RALGAPA2: variants seen among roughly 807,000 people sequenced by gnomAD.
RALGAPA2 encodes ral GTPase-activating protein subunit alpha-2.
Under a neutral mutation model 230.4 loss-of-function variants are expected in RALGAPA2, and 139 were observed. That is an observed-to-expected ratio of 0.60 (90% CI 0.53 to 0.69). RALGAPA2 has a LOEUF of 0.69. Ranked by LOEUF, RALGAPA2 falls within the 30% of genes least tolerant of loss-of-function variation. The pLI, the probability that RALGAPA2 is intolerant of heterozygous loss-of-function variation, is 0.00. For synonymous variants in RALGAPA2, 847 were observed against 837.8 expected, an observed-to-expected ratio of 1.01 and a Z score of -0.19; for missense variants, 2,163 against 2,276.0, an observed-to-expected ratio of 0.95 and a Z score of 1.01.
chr20:20,504,030 T>C (rs965482202), intron 34 of RALGAPA2, among the ~76,000 whole-genome samples: 11 of 152,206 alleles, frequency 7.2e-5, no homozygotes, highest in African/African-American at 2.7e-4. Flanking sequence ...ACGGCATGAG[T>C]GTTCACTTCT....
chr20:20,404,995 T>C (rs963704194), intron 38 of RALGAPA2, among the ~76,000 whole-genome samples: 2 of 152,248 alleles, frequency 1.3e-5, no homozygotes, highest in Admixed American at 1.3e-4. Flanking sequence ...AAACATGTGG[T>C]TTCTTTCTCT....
At chr20:20,610,794 C>T (rs1463689099) in intron 14 of RALGAPA2, among the ~76,000 whole-genome samples, 2 of 152,128 alleles carry the variant, frequency 1.3e-5, no homozygotes, top group Admixed American at 6.5e-5. Context: ...TCTGTCAAAG[C>T]CCATGGTCAA....
intron 36 of RALGAPA2, among the ~76,000 whole-genome samples, chr20:20,484,108 T>C (rs6046898): frequency 0.02 from 3,052 of 152,258 alleles, 100 homozygotes; most frequent in East Asian, 0.15. Context: ...GAGGGTGTGT[T>C]TGTACTTGTG....
At chr20:20,510,706 T>C (rs1458909096) in intron 33 of RALGAPA2, among the ~76,000 whole-genome samples, 2 of 152,204 alleles carry the variant, frequency 1.3e-5, no homozygotes, top group African/African-American at 4.8e-5. Context: ...TCTTTAGAAA[T>C]GCTTCTGAGA....
At chr20:20,632,726 C>T (rs2066717674) in intron 9 of RALGAPA2, among the ~76,000 whole-genome samples, 1 of 151,660 alleles carries the variant, frequency 6.6e-6, no homozygotes, top group Non-Finnish European at 1.5e-5. Flanking sequence ...TCAGAACTAA[C>T]TGCATTTCTC....
intron 18 of RALGAPA2, among the ~76,000 whole-genome samples, chr20:20,586,135 C>T (rs765413458): frequency 1.3e-4 from 20 of 152,114 alleles, no homozygotes; most frequent in Non-Finnish European, 2.9e-4. Context: ...ATATGAGAGA[C>T]ACAATACCTC....
intron 12 of RALGAPA2, among the ~76,000 whole-genome samples, chr20:20,617,387 G>A (rs2066181691): frequency 6.6e-6 from 1 of 152,138 alleles, no homozygotes; most frequent in South Asian, 2.1e-4. Flanking sequence ...TATAGTTGAT[G>A]ATGATGATAA....
intron 4 of RALGAPA2, among the ~76,000 whole-genome samples, chr20:20,652,145 A>T (rs2067422325): frequency 6.6e-6 from 1 of 152,204 alleles, no homozygotes; most frequent in Admixed American, 6.5e-5. Context: ...CAAATAATTC[A>T]GTTTCTATAA....
intron 37 of RALGAPA2, among the ~76,000 whole-genome samples, chr20:20,466,025 G>C (rs1403278769): frequency 6.6e-6 from 1 of 152,186 alleles, no homozygotes; most frequent in Non-Finnish European, 1.5e-5. Flanking sequence ...TGTTTTACCT[G>C]CTTGGCCCAT....
chr20:20,401,537 C>T (rs1288286312), intron 38 of RALGAPA2, among the ~76,000 whole-genome samples: 1 of 152,052 alleles, frequency 6.6e-6, no homozygotes, highest in African/African-American at 2.4e-5. Context: ...TCAGGAGTGA[C>T]CGGGGCAGTG....
chr20:20,454,958 G>A (rs762591351), intron 37 of RALGAPA2, among the ~76,000 whole-genome samples: 4 of 152,210 alleles, frequency 2.6e-5, no homozygotes, highest in Non-Finnish European at 4.4e-5. Context: ...CAGCACCAGG[G>A]AGGGCTGGTA....
At position 20,680,684 on chromosome 20, in the gene RALGAPA2, T is replaced by A; in HGVS notation, c.217+7A>T. On this transcript the variant is annotated splice_region_variant and intron_variant, in intron 2 of 39. Transcript: ENST00000202677. Reference sequence around the variant, plus strand: ...GTTTTTTAAAAAAAAACTACTGAAATGCTTACCTTTTAATTTCAAACTATT... The same window carrying A: ...GTTTTTTAAAAAAAAACTACTGAAAAGCTTACCTTTTAATTTCAAACTATT... 6.5e-7 allele frequency: 1 copy of A among 1,535,456 alleles called. No homozygotes were observed. The highest frequency in any genetic ancestry group is 8.7e-7 in the Non-Finnish European group (1 of 1,147,858).
chr20:20,604,947 T>G lies in RALGAPA2; in HGVS notation c.2038+228A>C, dbSNP rs570129235. Among the ~76,000 whole-genome samples, 5 of 152,300 alleles carry G rather than the reference T, an allele frequency of 3.3e-5. No homozygotes were observed. In the South Asian group the frequency reaches 6.2e-4, roughly 19 times the overall value. On this transcript the variant is annotated intron_variant, in intron 15 of 39. Transcript: ENST00000202677. ...TATTACTGTTAGTTATCACTACTAT[T>G]ACTACTACCTTCCTTGCATCTTCCT...
chr20:20,609,006 G>GT (rs947036540), intron 14 of RALGAPA2, among the ~76,000 whole-genome samples: 3 of 152,058 alleles, frequency 2.0e-5, no homozygotes, highest in Non-Finnish European at 4.4e-5. Context: ...TTTTTTGTTT[G>GT]TTTTTTGAGA....
At position 20,615,006 on chromosome 20, in the gene RALGAPA2, A is replaced by G. The variant is rs117237843; in HGVS notation, c.1688+1037T>C. 6.8e-3 allele frequency among the ~76,000 whole-genome samples: 1,035 copies of G among 152,242 alleles called. 17 individuals are homozygous for G. The highest frequency in any genetic ancestry group is 0.041 in the East Asian group (212 of 5,164). Reference sequence around the variant, plus strand: ...CAAGGGTGGCAGTGGAATGAGAGGGAACACACAAAGGACAGGCTTGAGGAG... The same window carrying G: ...CAAGGGTGGCAGTGGAATGAGAGGGGACACACAAAGGACAGGCTTGAGGAG... On this transcript the variant is annotated intron_variant, in intron 13 of 39. Coordinates refer to ENST00000202677, the MANE Select transcript of RALGAPA2 (RefSeq NM_020343.4).
intron 2 of RALGAPA2, among the ~76,000 whole-genome samples, chr20:20,677,628 CATTTTTTTTTTTTTTT>C (rs1398787933): frequency 8.2e-5 from 10 of 121,840 alleles, no homozygotes; most frequent in African/African-American, 3.0e-4. Flanking sequence ...TGATTTGACC[CATTTTTTTTTTTTTTT>C]TTTTTTTTTT....
intron 23 of RALGAPA2, among the ~76,000 whole-genome samples, chr20:20,550,569 A>G (rs2063896199): frequency 6.6e-6 from 1 of 152,182 alleles, no homozygotes; most frequent in South Asian, 2.1e-4. Context: ...ATTCAATGCT[A>G]TTCAGCGCTG....
chr20:20,595,340 C>T (rs2065419833), intron 16 of RALGAPA2, among the ~76,000 whole-genome samples: 1 of 152,050 alleles, frequency 6.6e-6, no homozygotes, highest in South Asian at 2.1e-4. Flanking sequence ...TTTAAAACAC[C>T]TTGCATGATA....
Position 20,534,477 on chromosome 20 carries a change from A to G in RALGAPA2, c.3473+1268T>C, listed in dbSNP as rs1487317334. Among the ~76,000 whole-genome samples the G allele has an allele frequency of 2.0e-5, 3 of 152,000 alleles. No individual in the cohort carries two copies. In the East Asian group the frequency reaches 5.8e-4, roughly 29 times the overall value. On this transcript the variant is annotated intron_variant, in intron 26 of 39. Transcript: ENST00000202677. ...AAAAAAGATAATAGAGATAACTCAT[A>G]GCTCATATACCAGTATATTTTAAAA... is the stretch of plus-strand genomic sequence containing the variant.
Sources: allele counts gnomAD v4.1 joint callset (sites outside exome capture counted in the v4.1 genomes callset), GRCh38; gene constraint gnomAD v4.1.1; transcripts MANE v1.5; gene names NCBI Gene and HGNC (gene_info 2026-07-23, HGNC 2026-07-21).